Variants in TTYH2 observed in about 807,000 individuals in gnomAD.
The protein encoded by TTYH2 is tweety family member 2.
In TTYH2, 49 loss-of-function variants were observed where a neutral mutation model predicts 68.3. The ratio of observed to expected loss-of-function variants is 0.72; its 90% CI spans 0.57 to 0.91. TTYH2 has a LOEUF of 0.91. TTYH2 is among the 40% of genes least tolerant of loss of function. The pLI is 0.00. For synonymous variants in TTYH2, 272 were observed against 300.8 expected, an observed-to-expected ratio of 0.90 and a Z score of 0.99; for missense variants, 631 against 700.4, an observed-to-expected ratio of 0.90 and a Z score of 1.12.
chr17:74,222,548 G>T lies in TTYH2; in HGVS notation c.193G>T (p.Ala65Ser). 6.2e-7 allele frequency: 1 copy of T among 1,612,630 alleles called. No individual in the cohort carries two copies. The highest frequency in any genetic ancestry group is 8.5e-7 in the Non-Finnish European group (1 of 1,180,010). ...CLGLNLIFLVAYLVCACHCRR... is the reference protein window; with the variant it reads ...CLGLNLIFLVSYLVCACHCRR... ...GGGCCTGAACCTCATCTTCCTTGTG[G>T]CTTACCTGGTCTGTGCATGCCACTG... Residue 65 changes from alanine to serine, a missense_variant, in exon 2 of 14, where the codon GCT becomes TCT. Physicochemically the swap from Ala to Ser is moderately conservative, Grantham distance 99. Transcript: ENST00000269346. This position sits in a 1 kb window ranked among gnomAD's most constrained non-coding sequence, Gnocchi z 5.2.
At chr17:74,226,109 G>A (rs1327515852) in intron 2 of TTYH2, among the ~76,000 whole-genome samples, 1 of 152,256 alleles carries the variant, frequency 6.6e-6, no homozygotes, top group Non-Finnish European at 1.5e-5. Context: ...GAACCGGGAA[G>A]AGAAGCAGAC....
chr17:74,243,834 T>C, intron 5 of TTYH2, 143 bp from the exon 6 acceptor site: 1 of 736,760 alleles, frequency 1.4e-6, no homozygotes, highest in South Asian at 1.8e-5. Context: ...GGTCCTTTCC[T>C]AGTAGTGAGC....
intron 6 of TTYH2, among the ~76,000 whole-genome samples, chr17:74,245,733 G>A (rs2050550918): frequency 6.6e-6 from 1 of 152,226 alleles, no homozygotes; most frequent in Admixed American, 6.5e-5. Flanking sequence ...ATTTTAATAG[G>A]AAGCCGGGTG....
At position 74,260,556 on chromosome 17, in the gene TTYH2, CCAT is replaced by C. The variant is rs1598238823; in HGVS notation, c.*350_*352del. ...GAGGAGGGGGCCAGGTCAGGCACCA[CCAT>C]CAAGAGAGCTGTGTGTTCTCTCTGG... is the stretch of plus-strand genomic sequence containing the variant. On this transcript the variant is annotated 3_prime_UTR_variant, in exon 14 of 14. Coordinates refer to ENST00000269346, the MANE Select transcript of TTYH2 (RefSeq NM_032646.6). 6.0e-6 allele frequency: 2 copies of C among 334,366 alleles called. No homozygotes were observed. Among genetic ancestry groups the C allele is most frequent in the East Asian group, 1.3e-4 (2 of 15,906 alleles). 20.7% of individuals were successfully genotyped at this position (334,366 alleles called of 1,614,324 possible).
At chr17:74,252,944 G>T (rs968780037) in intron 11 of TTYH2, 137 bp from the exon 12 acceptor site, 2 of 840,342 alleles carry the variant, frequency 2.4e-6, no homozygotes, top group African/African-American at 1.7e-5. Flanking sequence ...GCTGGGGACC[G>T]CGTTTTAGAG....
chr17:74,258,283 G>A (rs1020368518), intron 13 of TTYH2, among the ~76,000 whole-genome samples: 2 of 151,460 alleles, frequency 1.3e-5, no homozygotes, highest in African/African-American at 2.4e-5. Context: ...TTGTTTTTTT[G>A]AGACTGAGTT....
At position 74,260,188 on chromosome 17, in the gene TTYH2, C is replaced by T. The variant is rs189232020; in HGVS notation, c.1584C>T (p.Tyr528=). The change falls in exon 14 of 14, where the codon TAC becomes TAT. Residue 528 remains tyrosine, a synonymous_variant. Coordinates refer to ENST00000269346, the MANE Select transcript of TTYH2 (RefSeq NM_032646.6). The part of the protein sequence containing the change: ...LSVADEHLRH[Y]GNQFPA ...TGGCGGATGAGCACCTGAGGCACTA[C>T]GGGAATCAGTTTCCAGCCTAACAGA... 105 of 1,613,954 alleles carry T rather than the reference C, an allele frequency of 6.5e-5. No individual in the cohort carries two copies. The highest frequency in any genetic ancestry group is 5.0e-4 in the Middle Eastern group (3 of 6,056).
rs5822029 is a variant in TTYH2 at position 74,215,170 on chromosome 17, C to CGTGTGTGTGTGT, written c.129+1477_129+1488dup. 9.8e-3 allele frequency among the ~76,000 whole-genome samples: 1,444 copies of CGTGTGTGTGTGT among 147,470 alleles called. 18 individuals carry two copies. Among genetic ancestry groups the CGTGTGTGTGTGT allele is most frequent in the African/African-American group, 0.032 (1,286 of 39,898 alleles). ...AGGCGGATATGATTTCAGAAACAGC[C>CGTGTGTGTGTGT]GTGTGTGTGTGTGTGTGTGTGTGTG... On this transcript the variant is annotated intron_variant, in intron 1 of 13. Transcript: ENST00000269346. This position sits in a 1 kb window ranked among gnomAD's most constrained non-coding sequence, Gnocchi z 4.3.
intron 11 of TTYH2, among the ~76,000 whole-genome samples, chr17:74,252,745 G>A (rs1043228050): frequency 6.6e-6 from 1 of 152,240 alleles, no homozygotes; most frequent in Non-Finnish European, 1.5e-5. Flanking sequence ...TGGGGTCACT[G>A]TTTTCAGGGA....
rs924090074 is a variant in TTYH2 at position 74,249,992 on chromosome 17, G to C, written c.987G>C (p.Leu329=). 6.2e-7 allele frequency: 1 copy of C among 1,614,146 alleles called. No homozygotes were observed. The highest frequency in any genetic ancestry group is 8.5e-7 in the Non-Finnish European group (1 of 1,180,020). The change falls in exon 9 of 14, where the codon CTG becomes CTC. Residue 329 remains leucine (L), a synonymous_variant. Coordinates refer to ENST00000269346, the MANE Select transcript of TTYH2 (RefSeq NM_032646.6). The stretch of plus-strand genomic sequence containing the variant: ...CCATGCAGATCCAGGTCGCGGGGCT[G>C]CTGCAGTTTGCCGTGCCCCTCTTCT... ...LTTMQIQVAG[L]LQFAVPLFST...
intron 2 of TTYH2, among the ~76,000 whole-genome samples, chr17:74,229,748 G>A (rs114168984): frequency 0.012 from 1,828 of 152,280 alleles, 34 homozygotes; most frequent in African/African-American, 0.04. Flanking sequence ...ATTACTAAGC[G>A]AAAGAAGCCA....
chr17:74,239,003 G>A lies in TTYH2; in HGVS notation c.635+1489G>A, dbSNP rs1434337871. ...AAGGATTACAGACATGAGCCACCAT[G>A]CCCAGACCAGCCTCACTTATGTAGA... On this transcript the variant is annotated intron_variant, in intron 4 of 13. Coordinates refer to ENST00000269346, the MANE Select transcript of TTYH2 (RefSeq NM_032646.6). The surrounding 1 kb of genome is among the most constrained non-coding windows in gnomAD (Gnocchi z 5.3). 6.6e-6 allele frequency among the ~76,000 whole-genome samples: 1 copy of A among 152,002 alleles called. No individual in the cohort carries two copies. The highest frequency in any genetic ancestry group is 1.5e-5 in the Non-Finnish European group (1 of 68,000).
intron 6 of TTYH2, 139 bp downstream of exon 6, chr17:74,244,188 A>G: frequency 1.3e-6 from 1 of 785,426 alleles, no homozygotes; most frequent in Non-Finnish European, 2.0e-6. Flanking sequence ...GACTTGCGTC[A>G]TCTGAACCGG....
At chr17:74,248,938 C>G in intron 6 of TTYH2, 73 bp from the exon 7 acceptor site, 15 of 1,605,748 alleles carry the variant, frequency 9.3e-6, no homozygotes, top group Non-Finnish European at 1.3e-5. Flanking sequence ...GTGATGGGCT[C>G]CCGGCTCCTC....
chr17:74,230,171 G>C (rs971634628), intron 2 of TTYH2, among the ~76,000 whole-genome samples: 1 of 151,906 alleles, frequency 6.6e-6, no homozygotes, highest in South Asian at 2.1e-4. Flanking sequence ...GAGGGGAGGG[G>C]GTACTTAATG....
intron 5 of TTYH2, 121 bp downstream of exon 5, chr17:74,243,590 C>T: frequency 1.0e-6 from 1 of 1,002,004 alleles, no homozygotes; most frequent in Non-Finnish European, 1.5e-6. Context: ...CTGAGGCCAC[C>T]TTCTGCCCCG....
chr17:74,252,085 C>G, intron 10 of TTYH2, 149 bp from the exon 11 acceptor site: 4 of 959,992 alleles, frequency 4.2e-6, no homozygotes, highest in Non-Finnish European at 6.3e-6. Flanking sequence ...GAGTGTGGAC[C>G]TTTAATGGTG....
At chr17:74,255,974 C>G (rs1029635222) in intron 13 of TTYH2, among the ~76,000 whole-genome samples, 2 of 152,182 alleles carry the variant, frequency 1.3e-5, no homozygotes, top group African/African-American at 4.8e-5. Flanking sequence ...GAAGTGCACG[C>G]ACAGGCACCC....
Position 74,243,439 on chromosome 17 carries a change from T to G in TTYH2, c.701T>G (p.Leu234Arg), listed in dbSNP as rs1430209780. The stretch of plus-strand genomic sequence containing the variant: ...ATCTGCCTCATTGCCTGCCTGGGAC[T>G]GGCCAAGCGCTCCAAGTGTCTCCTG... The part of the protein sequence containing the change: ...LVICLIACLG[L>R]AKRSKCLLAS... The change falls in exon 5 of 14, where the codon CTG becomes CGG. Residue 234 changes from leucine (L) to arginine (R), a missense_variant. Leu to Arg is a moderately radical substitution (Grantham distance 102, BLOSUM62 -2). Transcript: ENST00000269346. 28 of 1,614,214 alleles carry G rather than the reference T, an allele frequency of 1.7e-5. No individual in the cohort carries two copies. Among genetic ancestry groups the G allele is most frequent in the Non-Finnish European group, 2.3e-5 (27 of 1,180,032 alleles).
Sources: gnomAD v4.1 joint callset for allele counts (sites outside exome capture counted in the v4.1 genomes callset) on GRCh38, gnomAD v4.1.1 for gene constraint, Gnocchi (gnomAD v3.1) non-coding constraint, MANE v1.5 for transcripts, NCBI Gene and HGNC (gene_info 2026-07-23, HGNC 2026-07-21) for gene names.